ELP4: variants seen among roughly 807,000 people sequenced by gnomAD.
The protein encoded by ELP4 is elongator complex protein 4.
In ELP4, 51 loss-of-function variants were observed where a neutral mutation model predicts 48.9. The observed-to-expected ratio is 1.04, with a 90% CI of 0.83 to 1.32. The LOEUF (loss-of-function observed/expected upper bound fraction) is 1.32. ELP4 is among the 40% of genes most tolerant of loss of function. The pLI is 0.00. For synonymous variants in ELP4, 210 were observed against 189.2 expected (o/e 1.11, Z -0.90); for missense variants, 519 against 514.6 (o/e 1.01, Z -0.08).
chr11:31,759,384 G>A lies in ELP4; in HGVS notation c.1144-24009G>A, dbSNP rs920478536. Among the ~76,000 whole-genome samples the A allele has an allele frequency of 3.3e-5, 5 of 152,276 alleles. No individual in the cohort carries two copies. The East Asian group carries it at 9.7e-4, about 29-fold the overall frequency. On this transcript the variant is annotated intron_variant, in intron 9 of 9. Transcript: ENST00000640961. Reference sequence around the variant, plus strand: ...ATAATTGATTTTATCCTGAATGACTGGAGCACCTATGCTAACATTAGCCAT... The same window carrying A: ...ATAATTGATTTTATCCTGAATGACTAGAGCACCTATGCTAACATTAGCCAT...
At chr11:31,533,224 G>A (rs527292127) in intron 2 of ELP4, among the ~76,000 whole-genome samples, 3 of 152,156 alleles carry the variant, frequency 2.0e-5, no homozygotes, top group African/African-American at 7.2e-5. Flanking sequence ...AGTCTCCACT[G>A]TCTGTTATTC....
chr11:31,743,036 A>G (rs922894359), intron 9 of ELP4, among the ~76,000 whole-genome samples: 11 of 152,218 alleles, frequency 7.2e-5, no homozygotes, highest in African/African-American at 2.2e-4. Flanking sequence ...CATAGGCTCA[A>G]AATAAAGGGG....
At chr11:31,634,417 T>C (rs192278953) in intron 7 of ELP4, 20 of 152,066 alleles carry the variant, frequency 1.3e-4, no homozygotes, top group Non-Finnish European at 2.5e-4. Context: ...AAAATATATG[T>C]ACATATGTAA....
chr11:31,702,348 CAA>C (rs1946543887), intron 9 of ELP4, among the ~76,000 whole-genome samples: 1 of 132,820 alleles, frequency 7.5e-6, no homozygotes, highest in Non-Finnish European at 1.6e-5. Flanking sequence ...ATAATAATAA[CAA>C]TAATAATTAG....
At chr11:31,708,018 C>T (rs1180932523) in intron 9 of ELP4, among the ~76,000 whole-genome samples, 4 of 152,148 alleles carry the variant, frequency 2.6e-5, no homozygotes, top group Non-Finnish European at 4.4e-5. Flanking sequence ...TGTACATCTT[C>T]AAGGATAAGC....
chr11:31,537,551 C>T (rs1244622256), intron 2 of ELP4, among the ~76,000 whole-genome samples: 1 of 152,104 alleles, frequency 6.6e-6, no homozygotes, highest in Non-Finnish European at 1.5e-5. Flanking sequence ...TTAATTGGCT[C>T]ATGGTTCTGC....
At chr11:31,771,789 C>T (rs1948148505) in intron 9 of ELP4, among the ~76,000 whole-genome samples, 1 of 152,162 alleles carries the variant, frequency 6.6e-6, no homozygotes, top group Non-Finnish European at 1.5e-5. Context: ...ACCATCCTGG[C>T]TAACACAGTG....
chr11:31,545,954 A>C (rs1422168425), intron 3 of ELP4, among the ~76,000 whole-genome samples: 1 of 152,184 alleles, frequency 6.6e-6, no homozygotes, highest in East Asian at 1.9e-4. Context: ...TGTCACCACC[A>C]GGCCTGCCCT....
At chr11:31,768,967 G>A (rs1342052896) in intron 9 of ELP4, among the ~76,000 whole-genome samples, 2 of 152,166 alleles carry the variant, frequency 1.3e-5, no homozygotes, top group Non-Finnish European at 2.9e-5. Flanking sequence ...ATACTTCGCA[G>A]ACACTCTAGG....
chr11:31,649,953 A>G (rs913953079), intron 8 of ELP4, 162 bp from the exon 9 acceptor site: 3 of 447,550 alleles, frequency 6.7e-6, no homozygotes, highest in Non-Finnish European at 1.2e-5. Context: ...TTACTTGAGT[A>G]TAATCACACC....
chr11:31,664,662 C>T (rs1945634190), intron 9 of ELP4, among the ~76,000 whole-genome samples: 1 of 151,776 alleles, frequency 6.6e-6, no homozygotes, highest in Non-Finnish European at 1.5e-5. Context: ...TAAAATAGTC[C>T]CATAAAACTA....
chr11:31,625,278 G>A (rs1313260652), intron 5 of ELP4, among the ~76,000 whole-genome samples: 1 of 151,490 alleles, frequency 6.6e-6, no homozygotes. Flanking sequence ...GTCCATCATT[G>A]ACCAAAACGT....
intron 9 of ELP4, among the ~76,000 whole-genome samples, chr11:31,758,819 C>T (rs1033936664): frequency 6.6e-6 from 1 of 151,944 alleles, no homozygotes; most frequent in African/African-American, 2.4e-5. Context: ...AAGTGCACAC[C>T]ACCACACTCA....
chr11:31,744,959 T>G (rs1947547540), intron 9 of ELP4, among the ~76,000 whole-genome samples: 1 of 152,188 alleles, frequency 6.6e-6, no homozygotes, highest in Non-Finnish European at 1.5e-5. Flanking sequence ...TGTCCCTGTT[T>G]GCAGATGACA....
chr11:31,710,170 T>A (rs1221924769), intron 9 of ELP4, among the ~76,000 whole-genome samples: 1 of 152,218 alleles, frequency 6.6e-6, no homozygotes, highest in Admixed American at 6.5e-5. Context: ...ATACGTGAAT[T>A]AGACAAGGGG....
intron 9 of ELP4, among the ~76,000 whole-genome samples, chr11:31,659,414 G>A (rs1945506732): frequency 1.3e-5 from 2 of 152,028 alleles, no homozygotes; most frequent in Admixed American, 6.6e-5. Flanking sequence ...CCAAGATGAA[G>A]GGTTTAATGA....
At chr11:31,516,524 C>A (rs7930217) in intron 1 of ELP4, among the ~76,000 whole-genome samples, 1 of 152,164 alleles carries the variant, frequency 6.6e-6, no homozygotes, top group African/African-American at 2.4e-5. Flanking sequence ...GAGACTGGGT[C>A]TCACATTGTT....
intron 6 of ELP4, among the ~76,000 whole-genome samples, chr11:31,627,472 G>A (rs1189298720): frequency 6.6e-6 from 1 of 152,010 alleles, no homozygotes; most frequent in Admixed American, 6.6e-5. Context: ...TTGGGATTAA[G>A]TAGCTGCATT....
intron 2 of ELP4, among the ~76,000 whole-genome samples, chr11:31,532,766 G>C (rs1466713919): frequency 7.5e-6 from 1 of 133,140 alleles, no homozygotes; most frequent in Non-Finnish European, 1.6e-5. Context: ...TCTTTTTTTT[G>C]TTGGTTTTTT....
Sources: allele counts gnomAD v4.1 joint callset (sites outside exome capture counted in the v4.1 genomes callset), GRCh38; gene constraint gnomAD v4.1.1; transcripts MANE v1.5; gene names NCBI Gene and HGNC (gene_info 2026-07-23, HGNC 2026-07-21).